Variants in UNC13B observed in about 807,000 individuals in gnomAD.
The protein encoded by UNC13B is protein unc-13 homolog B.
Under a neutral mutation model 211.0 loss-of-function variants are expected in UNC13B, and 144 were observed. The ratio of observed to expected loss-of-function variants is 0.68; its 90% CI spans 0.60 to 0.78. The LOEUF (loss-of-function observed/expected upper bound fraction) is 0.78. Among genes scored for constraint, UNC13B ranks in the 30% least tolerant of loss-of-function variants. The pLI is 0.00. For synonymous variants in UNC13B, 709 were observed against 725.8 expected, an observed-to-expected ratio of 0.98 and a Z score of 0.37; for missense variants, 1,777 against 2,002.0, an observed-to-expected ratio of 0.89 and a Z score of 2.14.
intron 6 of UNC13B, among the ~76,000 whole-genome samples, chr9:35,251,227 G>A (rs956614885): frequency 2.0e-5 from 3 of 151,980 alleles, no homozygotes; most frequent in African/African-American, 4.8e-5. Context: ...GCCTCCCAAA[G>A]TGCTGGGATT....
At chr9:35,363,143 A>G (rs1475132332) in intron 11 of UNC13B, among the ~76,000 whole-genome samples, 2 of 152,234 alleles carry the variant, frequency 1.3e-5, no homozygotes, top group Non-Finnish European at 2.9e-5. Flanking sequence ...GGGTCAAGAA[A>G]GAGGGCAGAG....
intron 24 of UNC13B, among the ~76,000 whole-genome samples, chr9:35,386,900 C>A (rs1191108942): frequency 6.6e-6 from 1 of 152,198 alleles, no homozygotes; most frequent in Non-Finnish European, 1.5e-5. Context: ...GTCCCCGATC[C>A]ATGCTCCCAA....
chr9:35,338,508 C>T (rs944042451), intron 11 of UNC13B, among the ~76,000 whole-genome samples: 1 of 152,190 alleles, frequency 6.6e-6, no homozygotes, highest in African/African-American at 2.4e-5. Context: ...TTCTCTGCTG[C>T]ATATGCTTTC....
intron 11 of UNC13B, among the ~76,000 whole-genome samples, chr9:35,363,787 A>G (rs907043151): frequency 2.0e-5 from 3 of 152,140 alleles, no homozygotes; most frequent in African/African-American, 4.8e-5. Context: ...TTATCCTGTT[A>G]TGGCTTGATC....
intron 24 of UNC13B, among the ~76,000 whole-genome samples, chr9:35,389,470 C>T (rs1305321932): frequency 6.6e-6 from 1 of 152,144 alleles, no homozygotes; most frequent in Non-Finnish European, 1.5e-5. Flanking sequence ...AAGAGGAGGG[C>T]TGCCTGCCTG....
intron 1 of UNC13B, among the ~76,000 whole-genome samples, chr9:35,170,007 T>C (rs1418142153): frequency 6.6e-6 from 1 of 152,208 alleles, no homozygotes; most frequent in Non-Finnish European, 1.5e-5. Context: ...GGTTTTAAAA[T>C]GTCTGTTATA....
chr9:35,377,753 G>A lies in UNC13B; in HGVS notation c.10063+58G>A, dbSNP rs1288831353. 5 of 1,548,676 alleles carry A rather than the reference G, an allele frequency of 3.2e-6. No homozygotes were observed. The Admixed American group carries it at 5.4e-5, about 17-fold the overall frequency. On this transcript the variant is annotated intron_variant, in intron 16 of 39. Coordinates refer to ENST00000635942, the MANE Select transcript of UNC13B (RefSeq NM_001371189.2). ...GCCTGGGCTATGGGGAGGAGACTGG[G>A]GAAGAAACATCCTGAGCGTGAGGGA...
At chr9:35,199,668 C>T (rs1221547559) in intron 1 of UNC13B, among the ~76,000 whole-genome samples, 2 of 152,138 alleles carry the variant, frequency 1.3e-5, no homozygotes, top group Non-Finnish European at 2.9e-5. Context: ...ATATCCTTTG[C>T]CCATTTTTTG....
chr9:35,168,885 G>A (rs10972366), intron 1 of UNC13B, among the ~76,000 whole-genome samples: 27,600 of 151,652 alleles, frequency 0.18, 3,130 homozygotes, highest in Non-Finnish European at 0.26. Context: ...GTTTCCCAGG[G>A]TGGTCTTGAA....
At position 35,300,720 on chromosome 9, in the gene UNC13B, C is replaced by T. The variant is rs1829634455; in HGVS notation, c.1316C>T (p.Ser439Phe). 2.5e-6 allele frequency: 1 copy of T among 398,838 alleles called. No homozygotes were observed. The highest frequency in any genetic ancestry group is 4.4e-6 in the Non-Finnish European group (1 of 226,034). The allele number at this position is 398,838 out of a possible 1,614,324, so 24.7% of individuals were successfully genotyped here. Residue 439 changes from serine to phenylalanine, a missense_variant, in exon 9 of 40, where the codon TCT becomes TTT. Transcript: ENST00000635942. Reference protein sequence around the residue: ...AKTLGDLSECSIEEITPSSIE... With the variant: ...AKTLGDLSECFIEEITPSSIE... ...ACACTTGGAGATCTGTCTGAGTGCTCTATAGAAGAGATAACCCCTTCCTCT... is the reference window on the plus strand; with the variant it reads ...ACACTTGGAGATCTGTCTGAGTGCTTTATAGAAGAGATAACCCCTTCCTCT...
rs140663072 is a variant in UNC13B, at chr9:35,396,857, G to A, written c.11452G>A (p.Val3818Met). 5.5e-5 allele frequency: 88 copies of A among 1,614,186 alleles called. No individual in the cohort carries two copies. Among genetic ancestry groups the A allele is most frequent in the Middle Eastern group, 1.6e-4 (1 of 6,062 alleles). ...PEYPAWFEQFVLQWLDENEDV... is the reference protein window; with the variant it reads ...PEYPAWFEQFMLQWLDENEDV... ...TGGCTGCAGGTGGTTTGAGCAGTTC[G>A]TGCTACAATGGCTGGATGAGAATGA... The change falls in exon 28 of 40, where the codon GTG becomes ATG. Residue 3818 changes from valine (V) to methionine (M), a missense_variant. Val to Met is a conservative substitution (Grantham distance 21, BLOSUM62 1). Transcript: ENST00000635942.
In UNC13B at chr9:35,203,163, G is replaced by A. The variant is rs201150916; in HGVS notation, c.23-24852G>A. ...AATATTTAGCCCATTTACATTTAAG[G>A]TTAATATTGTTATGTGTGAATTTGG... On this transcript the variant is annotated intron_variant, in intron 1 of 39. Transcript: ENST00000635942. 5.3e-5 allele frequency among the ~76,000 whole-genome samples: 8 copies of A among 152,208 alleles called. No individual in the cohort carries two copies. In the East Asian group the frequency reaches 1.4e-3, roughly 26 times the overall value.
intron 11 of UNC13B, among the ~76,000 whole-genome samples, chr9:35,356,045 G>A (rs945685258): frequency 6.6e-6 from 1 of 152,114 alleles, no homozygotes; most frequent in Non-Finnish European, 1.5e-5. Context: ...AATAGAAGGA[G>A]GTTTTCTAAA....
At chr9:35,252,054 A>G (rs1826525129) in intron 6 of UNC13B, among the ~76,000 whole-genome samples, 4 of 152,192 alleles carry the variant, frequency 2.6e-5, no homozygotes, top group Admixed American at 6.5e-5. Flanking sequence ...ACTTCTGCAC[A>G]TTCTGGATTT....
At chr9:35,318,214 T>C (rs143644794) in intron 11 of UNC13B, among the ~76,000 whole-genome samples, 1 of 152,300 alleles carries the variant, frequency 6.6e-6, no homozygotes, top group East Asian at 1.9e-4. Flanking sequence ...AACTGGCAAC[T>C]GATTAGAAAT....
In UNC13B at chr9:35,231,178, A is replaced by C; in HGVS notation, c.111A>C (p.Ala37=). The C allele has an allele frequency of 6.2e-7, 1 of 1,613,648 alleles. No individual in the cohort carries two copies. Among genetic ancestry groups the C allele is most frequent in the Non-Finnish European group, 8.5e-7 (1 of 1,179,646 alleles). The change falls in exon 3 of 40, where the codon GCA becomes GCC. Residue 37 remains alanine (A), a synonymous_variant. Transcript: ENST00000635942. ...AGAATGTGAAGAGCACAACTGTAGC[A>C]GTTCGTGGTGATCAGCCTTCCTGGG... ...KVQNVKSTTV[A]VRGDQPSWEQ...
intron 13 of UNC13B, among the ~76,000 whole-genome samples, chr9:35,374,332 C>G (rs1191847530): frequency 1.6e-5 from 2 of 129,012 alleles, no homozygotes; most frequent in Non-Finnish European, 3.1e-5. Context: ...AGACTTAACT[C>G]TCTGGGCTTG....
At chr9:35,326,150 T>G (rs574289564) in intron 11 of UNC13B, among the ~76,000 whole-genome samples, 2 of 152,360 alleles carry the variant, frequency 1.3e-5, no homozygotes, top group South Asian at 4.1e-4. Flanking sequence ...TCTGTCTTTT[T>G]TTATTATAGC....
At chr9:35,223,652 T>G (rs959290435) in intron 1 of UNC13B, among the ~76,000 whole-genome samples, 2 of 152,182 alleles carry the variant, frequency 1.3e-5, no homozygotes, top group Admixed American at 1.3e-4. Context: ...ATTGTTACTT[T>G]TGCGGTGCAA....
Sources: allele counts gnomAD v4.1 joint callset (sites outside exome capture counted in the v4.1 genomes callset), GRCh38; gene constraint gnomAD v4.1.1; transcripts MANE v1.5; gene names NCBI Gene and HGNC (gene_info 2026-07-23, HGNC 2026-07-21).